Variants in NCAM2 observed in about 807,000 individuals in gnomAD.
The protein encoded by NCAM2 is neural cell adhesion molecule 2.
Under a neutral mutation model 98.1 loss-of-function variants are expected in NCAM2, and 30 were observed. The ratio of observed to expected loss-of-function variants is 0.31; its 90% confidence interval spans 0.23 to 0.41. The LOEUF is 0.41. NCAM2 is among the 10% of genes least tolerant of loss of function. The probability of loss-of-function intolerance (pLI) is 1.00; values close to 1 mark genes in which losing one functional copy is unlikely to be tolerated. For synonymous variants in NCAM2, 368 were observed against 342.4 expected (o/e 1.07, Z -0.83); for missense variants, 867 against 1,005.8 (o/e 0.86, Z 1.87).
chr21:21,147,704 A>G (rs1408865181), intron 1 of NCAM2, among the ~76,000 whole-genome samples: 3 of 135,912 alleles, frequency 2.2e-5, no homozygotes, highest in Admixed American at 7.7e-5. Flanking sequence ...TCAAAAACAT[A>G]CATATTATAT....
At chr21:21,117,906 T>G (rs2066596331) in intron 1 of NCAM2, among the ~76,000 whole-genome samples, 2 of 152,182 alleles carry the variant, frequency 1.3e-5, no homozygotes, top group African/African-American at 4.8e-5. Context: ...TTTATCTAAT[T>G]CTATATAATG....
rs999570962 is a variant in NCAM2 at position 21,349,414 on chromosome 21, G to T, written c.1044+10880G>T. 2.0e-5 allele frequency among the ~76,000 whole-genome samples: 3 copies of T among 152,020 alleles called. No homozygotes were observed. The South Asian group carries it at 6.2e-4, about 31-fold the overall frequency. On this transcript the variant is annotated intron_variant, in intron 8 of 17. Coordinates refer to ENST00000400546, the MANE Select transcript of NCAM2 (RefSeq NM_004540.5). ...CTCTGATTAAAATGGCTTATATCCA[G>T]AAACTATGCAATAAGAAATGCTGAC... is the stretch of plus-strand genomic sequence containing the variant.
At chr21:21,105,663 A>G (rs2066329072) in intron 1 of NCAM2, among the ~76,000 whole-genome samples, 1 of 152,268 alleles carries the variant, frequency 6.6e-6, no homozygotes, top group African/African-American at 2.4e-5. Flanking sequence ...ATCCTGAGAA[A>G]TTAAAAAGAC....
chr21:21,286,506 T>A (rs2073106803), intron 4 of NCAM2, 94 bp downstream of exon 4: 15 of 1,329,654 alleles, frequency 1.1e-5, no homozygotes, highest in Non-Finnish European at 1.4e-5. Flanking sequence ...GAAATTTGAA[T>A]TTTTGACCCC....
At chr21:21,377,188 A>T in intron 9 of NCAM2, among the ~76,000 whole-genome samples, 1 of 151,804 alleles carries the variant, frequency 6.6e-6, no homozygotes, top group East Asian at 1.9e-4. Flanking sequence ...TTATTCAAAT[A>T]TATTTAAGTA....
intron 1 of NCAM2, among the ~76,000 whole-genome samples, chr21:21,225,186 T>A (rs1042925733): frequency 2.0e-5 from 3 of 152,020 alleles, no homozygotes; most frequent in African/African-American, 7.2e-5. Context: ...ATGTTCTCAC[T>A]TAAAGTGGGA....
intron 1 of NCAM2, among the ~76,000 whole-genome samples, chr21:21,186,786 A>G (rs80114829): frequency 9.8e-4 from 150 of 152,314 alleles, no homozygotes; most frequent in African/African-American, 3.3e-3. Flanking sequence ...TTGAAAATAC[A>G]TTGAAAAAAG....
chr21:21,365,123 T>C (rs924300759), intron 8 of NCAM2, among the ~76,000 whole-genome samples: 2 of 151,982 alleles, frequency 1.3e-5, no homozygotes, highest in African/African-American at 4.8e-5. Context: ...CACAGTGGGG[T>C]AGCTGAAAGG....
chr21:21,118,222 T>G (rs746106637), intron 1 of NCAM2, among the ~76,000 whole-genome samples: 8 of 152,188 alleles, frequency 5.3e-5, no homozygotes, highest in Non-Finnish European at 1.2e-4. Context: ...GTTCAATAGC[T>G]GTGATTAATT....
At chr21:21,433,673 G>T (rs1433375642) in intron 12 of NCAM2, among the ~76,000 whole-genome samples, 2 of 151,096 alleles carry the variant, frequency 1.3e-5, no homozygotes, top group Non-Finnish European at 1.5e-5. Flanking sequence ...AACCTGGGAG[G>T]TGGAGCTTGC....
intron 1 of NCAM2, among the ~76,000 whole-genome samples, chr21:21,256,857 G>A (rs1223752069): frequency 1.3e-5 from 2 of 152,158 alleles, no homozygotes; most frequent in Non-Finnish European, 2.9e-5. Flanking sequence ...TTCATAAAAT[G>A]TTACCTAAAA....
chr21:21,224,688 GCAGA>G (rs1311432014), intron 1 of NCAM2, among the ~76,000 whole-genome samples: 1 of 152,046 alleles, frequency 6.6e-6, no homozygotes, highest in Non-Finnish European at 1.5e-5. Context: ...TATATGATTA[GCAGA>G]CAAAGACTGA....
intron 1 of NCAM2, among the ~76,000 whole-genome samples, chr21:21,054,561 C>T (rs1254765363): frequency 3.3e-5 from 5 of 151,924 alleles, no homozygotes; most frequent in African/African-American, 4.8e-5. Flanking sequence ...AGTAATTACC[C>T]AAGTGTTAAC....
intron 1 of NCAM2, among the ~76,000 whole-genome samples, chr21:21,263,297 A>G (rs377536914): frequency 6.6e-6 from 1 of 152,164 alleles, no homozygotes. Flanking sequence ...CTAGGAATAC[A>G]TTTAACCAAG....
chr21:21,065,425 A>T (rs75540370), intron 1 of NCAM2, among the ~76,000 whole-genome samples: 5,617 of 152,210 alleles, frequency 0.037, 315 homozygotes, highest in African/African-American at 0.13. Context: ...ACCTAATACA[A>T]CGACAAAAAC....
intron 1 of NCAM2, among the ~76,000 whole-genome samples, chr21:21,098,766 T>C (rs2146478633): frequency 6.6e-6 from 1 of 151,992 alleles, no homozygotes; most frequent in East Asian, 1.9e-4. Flanking sequence ...TATGTGAAGA[T>C]GGACAAAAAA....
chr21:21,045,842 T>C (rs2064998312), intron 1 of NCAM2, among the ~76,000 whole-genome samples: 1 of 152,228 alleles, frequency 6.6e-6, no homozygotes, highest in Non-Finnish European at 1.5e-5. Context: ...ATCTTAGATA[T>C]CTTGGGAAGT....
chr21:21,417,719 A>G (rs924355697), intron 10 of NCAM2, among the ~76,000 whole-genome samples: 1 of 152,092 alleles, frequency 6.6e-6, no homozygotes, highest in Non-Finnish European at 1.5e-5. Context: ...TGGATTTCAA[A>G]TGTTTAAGGA....
chr21:21,101,984 A>C (rs1056983066), intron 1 of NCAM2, among the ~76,000 whole-genome samples: 1 of 152,018 alleles, frequency 6.6e-6, no homozygotes. Context: ...GCTTTGGCCA[A>C]TGAAGTGTAG....
Sources: gnomAD v4.1 joint callset for allele counts (sites outside exome capture counted in the v4.1 genomes callset) on GRCh38, gnomAD v4.1.1 for gene constraint, MANE v1.5 for transcripts, NCBI Gene and HGNC (gene_info 2026-07-23, HGNC 2026-07-21) for gene names.